ITGB6: variants seen among roughly 807,000 people sequenced by gnomAD.
ITGB6 encodes the protein integrin beta-6.
A neutral mutation model predicts 84.5 loss-of-function variants in ITGB6; 80 were observed. That is an observed-to-expected ratio of 0.95 (90% CI 0.79 to 1.14). The LOEUF is 1.14. Ranked by LOEUF, ITGB6 falls within the 50% of genes most tolerant of loss-of-function variation. The pLI, the probability that ITGB6 is intolerant of heterozygous loss-of-function variation, is 0.00. For synonymous variants in ITGB6, 383 were observed against 354.9 expected (o/e 1.08, Z -0.89); for missense variants, 1,006 against 968.0 (o/e 1.04, Z -0.52).
At chr2:160,199,678 A>G (rs1198566925) in intron 1 of ITGB6, among the ~76,000 whole-genome samples, 1 of 152,212 alleles carries the variant, frequency 6.6e-6, no homozygotes, top group Non-Finnish European at 1.5e-5. Flanking sequence ...TATTACTCCT[A>G]AGTGGAAGAT....
At chr2:160,152,080 C>T (rs1341593286) in intron 7 of ITGB6, among the ~76,000 whole-genome samples, 17 of 152,132 alleles carry the variant, frequency 1.1e-4, no homozygotes, top group Non-Finnish European at 1.9e-4. Flanking sequence ...AGAGGGAATC[C>T]TCCCTAACTC....
intron 7 of ITGB6, among the ~76,000 whole-genome samples, chr2:160,143,479 T>C (rs539496464): frequency 1.3e-5 from 2 of 152,326 alleles, no homozygotes; most frequent in African/African-American, 4.8e-5. Flanking sequence ...AATTTACTCA[T>C]TTATCTATTT....
intron 12 of ITGB6, among the ~76,000 whole-genome samples, chr2:160,120,833 T>C (rs1343485836): frequency 6.8e-6 from 1 of 147,324 alleles, no homozygotes; most frequent in African/African-American, 2.5e-5. Context: ...ACACCACATG[T>C]TCTCACTCAT....
chr2:160,163,008 A>G (rs990838485), intron 7 of ITGB6, among the ~76,000 whole-genome samples: 1 of 152,080 alleles, frequency 6.6e-6, no homozygotes, highest in Non-Finnish European at 1.5e-5. Context: ...CGTGCCCCCA[A>G]TTTCTCACTT....
intron 7 of ITGB6, among the ~76,000 whole-genome samples, chr2:160,149,095 G>T (rs934034360): frequency 6.6e-6 from 1 of 152,252 alleles, no homozygotes; most frequent in Non-Finnish European, 1.5e-5. Flanking sequence ...AGAGAGCAGT[G>T]GTTCTCTCAG....
intron 13 of ITGB6, among the ~76,000 whole-genome samples, chr2:160,108,433 G>A (rs1290741977): frequency 1.3e-5 from 2 of 152,158 alleles, no homozygotes; most frequent in African/African-American, 4.8e-5. Flanking sequence ...CAGTAGTCTG[G>A]TTTTGGGGAA....
intron 4 of ITGB6, among the ~76,000 whole-genome samples, chr2:160,185,224 G>C (rs1037174867): frequency 8.5e-5 from 13 of 152,212 alleles, no homozygotes; most frequent in Non-Finnish European, 1.3e-4. Flanking sequence ...TGTATATTTA[G>C]AAAACCCCAT....
chr2:160,128,988 G>A (rs1364322528), intron 10 of ITGB6, among the ~76,000 whole-genome samples: 1 of 152,042 alleles, frequency 6.6e-6, no homozygotes, highest in Non-Finnish European at 1.5e-5. Context: ...TCATGGATCA[G>A]GTCATCTAGG....
rs144357269 is a variant in ITGB6 at position 160,100,241 on chromosome 2, G to A, written c.*1495C>T. On this transcript the variant is annotated 3_prime_UTR_variant, in exon 15 of 15. Transcript: ENST00000283249. ...TGACAATTCAATGGACAACCACGAA[G>A]CCTCCACTACATAATGAACTATTCA... The A allele has an allele frequency of 9.8e-5, 15 of 152,296 alleles. No homozygotes were observed. The East Asian group carries it at 2.1e-3, about 22-fold the overall frequency. 9.4% of individuals were successfully genotyped at this position (152,296 alleles called of 1,614,324 possible). A position where few individuals can be genotyped will look rare whatever the true frequency, so the allele number is the denominator to read the frequency against.
At chr2:160,111,601 T>TA (rs960014634) in intron 13 of ITGB6, among the ~76,000 whole-genome samples, 1 of 149,438 alleles carries the variant, frequency 6.7e-6, no homozygotes, top group African/African-American at 2.5e-5. Flanking sequence ...TCTTAGCTGT[T>TA]TTTTTTTTTT....
At chr2:160,199,296 A>C in intron 1 of ITGB6, 38 bp from the exon 2 acceptor site, 1 of 1,483,794 alleles carries the variant, frequency 6.7e-7, no homozygotes, top group African/African-American at 1.4e-5. Flanking sequence ...GATTAAGTAC[A>C]CTTTCAGTCA....
chr2:160,181,492 G>C (rs184710789), intron 4 of ITGB6, among the ~76,000 whole-genome samples: 4 of 152,292 alleles, frequency 2.6e-5, no homozygotes, highest in East Asian at 3.9e-4. Context: ...CCCCAGTCAG[G>C]GGCTTTTAGA....
intron 4 of ITGB6, among the ~76,000 whole-genome samples, chr2:160,174,502 G>A (rs1207394237): frequency 1.3e-5 from 2 of 152,116 alleles, no homozygotes; most frequent in Non-Finnish European, 1.5e-5. Context: ...TTTGTATTCT[G>A]ATATCTCAGG....
intron 14 of ITGB6, among the ~76,000 whole-genome samples, chr2:160,102,679 A>T (rs1412578528): frequency 6.6e-6 from 1 of 152,184 alleles, no homozygotes; most frequent in Non-Finnish European, 1.5e-5. Flanking sequence ...AGCCAAAAGG[A>T]CCAGAAGGTC....
intron 12 of ITGB6, among the ~76,000 whole-genome samples, chr2:160,114,885 G>T (rs369404511): frequency 6.6e-6 from 1 of 152,228 alleles, no homozygotes; most frequent in East Asian, 1.9e-4. Context: ...CTACGCCCAC[G>T]GAGTCTCGCT....
At chr2:160,181,882 A>G (rs970829037) in intron 4 of ITGB6, among the ~76,000 whole-genome samples, 1 of 152,218 alleles carries the variant, frequency 6.6e-6, no homozygotes, top group African/African-American at 2.4e-5. Context: ...ACTTCAGCAG[A>G]CCTGCAGCAG....
chr2:160,117,394 C>A (rs1682830423), intron 12 of ITGB6, among the ~76,000 whole-genome samples: 1 of 151,936 alleles, frequency 6.6e-6, no homozygotes, highest in Admixed American at 6.6e-5. Flanking sequence ...GGAAACTGAA[C>A]AACCTGCTCC....
At chr2:160,135,893 T>A (rs1407694137) in intron 10 of ITGB6, among the ~76,000 whole-genome samples, 6 of 152,122 alleles carry the variant, frequency 3.9e-5, no homozygotes, top group Admixed American at 2.6e-4. Flanking sequence ...CACCTTATAC[T>A]AAAATTAATT....
intron 4 of ITGB6, among the ~76,000 whole-genome samples, chr2:160,176,048 C>T (rs573639095): frequency 2.0e-5 from 3 of 152,152 alleles, no homozygotes; most frequent in Admixed American, 2.0e-4. Context: ...TTCTTCCTAT[C>T]AGTAGACTTT....
Sources: allele counts gnomAD v4.1 joint callset (sites outside exome capture counted in the v4.1 genomes callset), GRCh38; gene constraint gnomAD v4.1.1; transcripts MANE v1.5; gene names NCBI Gene and HGNC (gene_info 2026-07-23, HGNC 2026-07-21).